The following GBE1 variants were observed in gnomAD, a reference collection of about 807,000 sequenced individuals.
GBE1 encodes the protein 1,4-alpha-glucan branching enzyme 1.
In GBE1, 70 loss-of-function variants were observed where a neutral mutation model predicts 88.8. That is an observed-to-expected ratio of 0.79 (90% CI 0.65 to 0.96). The LOEUF (loss-of-function observed/expected upper bound fraction) is 0.96, where lower values mean the gene tolerates loss of function less well. Ranked by LOEUF, GBE1 falls within the 40% of genes least tolerant of loss-of-function variation. GBE1 has a pLI of 0.00. For missense variants in GBE1, 872 were observed against 871.0 expected (o/e 1.00, Z -0.01); for synonymous variants, 284 against 300.1 (o/e 0.95, Z 0.56).
chr3:81,586,173 T>C lies in GBE1; in HGVS notation c.1254A>G (p.Pro418=), dbSNP rs1703800845. 5.0e-6 allele frequency: 8 copies of C among 1,605,016 alleles called. No homozygotes were observed. The highest frequency in any genetic ancestry group is 1.7e-5 in the Admixed American group (1 of 58,252). ...ITIAEDVSGM[P]ALCSPISQGG... is the part of the protein sequence containing the mutation. ...CCTGGGAAATTGGAGAGCACAGAGC[T>C]GGCATTCCTGATACATCCTACAACA... is the stretch of plus-strand genomic sequence containing the variant. Residue 418 remains proline (P), a synonymous_variant, in exon 10 of 16, where the codon CCA becomes CCG. Coordinates refer to ENST00000429644, the MANE Select transcript of GBE1 (RefSeq NM_000158.4).
chr3:81,718,619 GTTTGT>G (rs1670433081), intron 1 of GBE1, among the ~76,000 whole-genome samples: 1 of 151,942 alleles, frequency 6.6e-6, no homozygotes, highest in African/African-American at 2.4e-5. Flanking sequence ...ACTCCAATAA[GTTTGT>G]TTTGTTTGTT....
intron 1 of GBE1, among the ~76,000 whole-genome samples, chr3:81,736,041 C>T (rs574003139): frequency 3.9e-5 from 6 of 152,206 alleles, no homozygotes; most frequent in Non-Finnish European, 7.4e-5. Context: ...GCCAAAAAAG[C>T]CCTTTGCCAC....
intron 2 of GBE1, among the ~76,000 whole-genome samples, chr3:81,701,509 G>C (rs1383246994): frequency 6.6e-6 from 1 of 151,652 alleles, no homozygotes; most frequent in Non-Finnish European, 1.5e-5. Context: ...TTGCAAATAA[G>C]AGGGTTTTTT....
At chr3:81,558,143 A>T (rs148887305) in intron 12 of GBE1, among the ~76,000 whole-genome samples, 1 of 152,148 alleles carries the variant, frequency 6.6e-6, no homozygotes, top group Non-Finnish European at 1.5e-5. Flanking sequence ...CCTATTTCTC[A>T]ATTTGTAAAG....
chr3:81,600,181 A>G (rs1308081919), intron 7 of GBE1, among the ~76,000 whole-genome samples: 2 of 152,134 alleles, frequency 1.3e-5, no homozygotes, highest in African/African-American at 4.8e-5. Flanking sequence ...GAATTGCTTG[A>G]ACCTGGGAGG....
rs569530005 is a variant in GBE1 at position 81,678,534 on chromosome 3, T to C, written c.314-7581A>G. Among the ~76,000 whole-genome samples, 43 of 152,316 alleles carry C rather than the reference T, an allele frequency of 2.8e-4. No individual in the cohort carries two copies. In the South Asian group the frequency reaches 8.7e-3, roughly 31 times the overall value. ...TGGATATACCTCATTGCTTGTAATT[T>C]TAACAATGTTTCATCAAGAAACAGT... On this transcript the variant is annotated intron_variant, in intron 2 of 15. Transcript: ENST00000429644.
chr3:81,502,170 CA>C (rs966717956), intron 14 of GBE1, among the ~76,000 whole-genome samples: 22 of 151,888 alleles, frequency 1.4e-4, no homozygotes, highest in Non-Finnish European at 3.1e-4. Context: ...CTTCACACAC[CA>C]AAAAATGCAA....
At chr3:81,633,343 G>GA (rs957892113) in intron 7 of GBE1, among the ~76,000 whole-genome samples, 8 of 152,130 alleles carry the variant, frequency 5.3e-5, no homozygotes, top group African/African-American at 1.9e-4. Flanking sequence ...GTATTTTACA[G>GA]AGGGGGAAAT....
chr3:81,686,306 A>C (rs1362691426), intron 2 of GBE1, among the ~76,000 whole-genome samples: 1 of 152,196 alleles, frequency 6.6e-6, no homozygotes, highest in African/African-American at 2.4e-5. Context: ...CTACTACTGC[A>C]GGAAGATAAA....
At chr3:81,503,104 G>A (rs1156964956) in intron 14 of GBE1, among the ~76,000 whole-genome samples, 1 of 152,074 alleles carries the variant, frequency 6.6e-6, no homozygotes, top group African/African-American at 2.4e-5. Flanking sequence ...TTTTATAATT[G>A]AGGAAAGTAC....
chr3:81,714,796 A>C (rs1443132604), intron 1 of GBE1, among the ~76,000 whole-genome samples: 2 of 152,216 alleles, frequency 1.3e-5, no homozygotes, highest in Non-Finnish European at 2.9e-5. Context: ...GAGAACCAGC[A>C]GATCCAGCGT....
chr3:81,702,383 C>T (rs929659320), intron 2 of GBE1, among the ~76,000 whole-genome samples: 9 of 151,724 alleles, frequency 5.9e-5, no homozygotes, highest in African/African-American at 2.2e-4. Context: ...AGTTGAGATC[C>T]CATTCACAAA....
intron 14 of GBE1, among the ~76,000 whole-genome samples, chr3:81,526,684 A>C (rs967088807): frequency 6.6e-6 from 1 of 152,172 alleles, no homozygotes; most frequent in African/African-American, 2.4e-5. Context: ...GACCTCTTTA[A>C]GGAGAACTAC....
At chr3:81,574,122 A>G (rs1033657114) in intron 12 of GBE1, among the ~76,000 whole-genome samples, 1 of 152,198 alleles carries the variant, frequency 6.6e-6, no homozygotes, top group Non-Finnish European at 1.5e-5. Flanking sequence ...GGAAAAGAAC[A>G]TTGATTTTTA....
At chr3:81,618,335 T>A (rs1704278425) in intron 7 of GBE1, among the ~76,000 whole-genome samples, 2 of 152,262 alleles carry the variant, frequency 1.3e-5, no homozygotes, top group East Asian at 1.9e-4. Flanking sequence ...TTACCTTATA[T>A]TTAATAATTC....
chr3:81,675,747 G>A (rs1705243209), intron 2 of GBE1, among the ~76,000 whole-genome samples: 1 of 151,964 alleles, frequency 6.6e-6, no homozygotes, highest in Non-Finnish European at 1.5e-5. Context: ...CCAAAACAAT[G>A]TGTGCTTATT....
At chr3:81,605,453 G>T (rs1704090834) in intron 7 of GBE1, among the ~76,000 whole-genome samples, 1 of 152,102 alleles carries the variant, frequency 6.6e-6, no homozygotes, top group South Asian at 2.1e-4. Context: ...TCTCAAGCTT[G>T]GGTGCTTTAC....
chr3:81,680,668 C>A (rs748301497), intron 2 of GBE1, among the ~76,000 whole-genome samples: 2 of 151,984 alleles, frequency 1.3e-5, no homozygotes, highest in Non-Finnish European at 2.9e-5. Flanking sequence ...TTGTATGCCC[C>A]CCAAATTCAT....
chr3:81,552,892 T>C (rs1248696028), intron 12 of GBE1, among the ~76,000 whole-genome samples: 1 of 152,174 alleles, frequency 6.6e-6, no homozygotes, highest in Non-Finnish European at 1.5e-5. Context: ...AAAATAATCT[T>C]CACAAAAACC....
Sources: gnomAD v4.1 joint callset for allele counts (sites outside exome capture counted in the v4.1 genomes callset) on GRCh38, gnomAD v4.1.1 for gene constraint, MANE v1.5 for transcripts, NCBI Gene and HGNC (gene_info 2026-07-23, HGNC 2026-07-21) for gene names.